Variants in PAPSS2 observed in about 807,000 individuals in gnomAD.
PAPSS2 encodes 3'-phosphoadenosine 5'-phosphosulfate synthase 2, also known as bifunctional 3'-phosphoadenosine 5'-phosphosulfate synthase 2.
PAPSS2 carries 61 observed loss-of-function variants against 66.5 expected under a neutral mutation model. The observed-to-expected ratio is 0.92, with a 90% CI of 0.75 to 1.14. The LOEUF (loss-of-function observed/expected upper bound fraction) is 1.14, where lower values mean the gene tolerates loss of function less well. PAPSS2 is among the 50% of genes most tolerant of loss of function. The pLI is 0.00. For missense variants in PAPSS2, 708 were observed against 789.6 expected, an observed-to-expected ratio of 0.90 and a Z score of 1.24; for synonymous variants, 289 against 287.5, an observed-to-expected ratio of 1.01 and a Z score of -0.05.
rs1044981983 is a variant in PAPSS2, at chr10:87,659,905, T to TGCTGCTGCC, written c.-75_-74insTGCTGCCGC. ...CCGCTGCTGCTGCTGCTGCTGCTGC[T>TGCTGCTGCC]GCCGCCGCCGCCGCCGCCGTCCCTG... On this transcript the variant is annotated 5_prime_UTR_variant, in exon 1 of 13. Transcript: ENST00000456849. 1.4e-5 allele frequency: 20 copies of TGCTGCTGCC among 1,423,862 alleles called. No homozygotes were observed. In the African/African-American group the frequency reaches 2.0e-4, roughly 14 times the overall value. The allele number at this position is 1,423,862 out of a possible 1,614,324, so 88.2% of individuals were successfully genotyped here.
intron 11 of PAPSS2, 35 bp from the exon 12 acceptor site, chr10:87,744,967 C>T: frequency 6.3e-7 from 1 of 1,578,902 alleles, no homozygotes; most frequent in Non-Finnish European, 8.7e-7. Flanking sequence ...ATTTGACCCA[C>T]AATGACCAGC....
chr10:87,676,669 G>T (rs1852951743), intron 1 of PAPSS2, among the ~76,000 whole-genome samples: 1 of 151,834 alleles, frequency 6.6e-6, no homozygotes, highest in South Asian at 2.1e-4. Context: ...GCGTTATATA[G>T]CACTTATCTT....
chr10:87,660,110 G>GT, intron 1 of PAPSS2, 102 bp downstream of exon 1: 3 of 1,245,636 alleles, frequency 2.4e-6, no homozygotes, highest in Non-Finnish European at 3.5e-6. Flanking sequence ...CCCCGGGAGG[G>GT]GGCGTCGGGA....
At chr10:87,698,778 G>A (rs974367759) in intron 1 of PAPSS2, among the ~76,000 whole-genome samples, 1 of 152,162 alleles carries the variant, frequency 6.6e-6, no homozygotes, top group African/African-American at 2.4e-5. Flanking sequence ...CATAGCTACT[G>A]GGGAAGCTGA....
At chr10:87,663,032 CATGCCCTGCTA>C in intron 1 of PAPSS2, among the ~76,000 whole-genome samples, 1 of 150,118 alleles carries the variant, frequency 6.7e-6, no homozygotes, top group Non-Finnish European at 1.5e-5. Context: ...GCACCACCAT[CATGCCCTGCTA>C]ATTACCTTTT....
intron 11 of PAPSS2, 84 bp downstream of exon 11, chr10:87,743,725 C>A: frequency 1.3e-6 from 2 of 1,489,866 alleles, no homozygotes; most frequent in Admixed American, 1.7e-5. Context: ...TCTCTGGGAT[C>A]CTTTCTGTTT....
chr10:87,660,128 T>C, intron 1 of PAPSS2, 120 bp downstream of exon 1: 1 of 998,904 alleles, frequency 1.0e-6, no homozygotes, highest in Non-Finnish European at 1.5e-6. Flanking sequence ...GGAGGAGGAG[T>C]AAGAGTGGGG....
rs1174194161 is a variant in PAPSS2 at position 87,745,251 on chromosome 10, TTC to T, written c.1721+22_1721+23del. On this transcript the variant is annotated intron_variant, in intron 12 of 12. Transcript: ENST00000456849. ...AGCAAGGTAGGTTTTCAGAGGAAAA[TTC>T]TTTTATCAACATCTGTATAAAAGAA... is the stretch of plus-strand genomic sequence containing the variant. 6.4e-7 allele frequency: 1 copy of T among 1,571,862 alleles called. No homozygotes were observed. Among genetic ancestry groups the T allele is most frequent in the Admixed American group, 1.8e-5 (1 of 54,628 alleles).
intron 1 of PAPSS2, 103 bp downstream of exon 1, chr10:87,660,111 G>A: frequency 8.3e-7 from 1 of 1,198,968 alleles, no homozygotes; most frequent in Non-Finnish European, 1.2e-6. Context: ...CCCGGGAGGG[G>A]GCGTCGGGAG....
At chr10:87,719,524 A>G (rs761354690) in intron 7 of PAPSS2, among the ~76,000 whole-genome samples, 2 of 152,210 alleles carry the variant, frequency 1.3e-5, no homozygotes, top group Non-Finnish European at 2.9e-5. Context: ...TCAGAGCCTA[A>G]GGCGGGAGGA....
chr10:87,743,738 T>C lies in PAPSS2; in HGVS notation c.1491+97T>C, dbSNP rs1281664517. ...AGTCTCTGGGATCCTTTCTGTTTCC[T>C]CATGAGCAGATTCTGGAATGTTCTG... is the stretch of plus-strand genomic sequence containing the variant. On this transcript the variant is annotated intron_variant, in intron 11 of 12. Coordinates refer to ENST00000456849, the MANE Select transcript of PAPSS2 (RefSeq NM_001015880.2). 2.9e-6 allele frequency: 4 copies of C among 1,360,404 alleles called. No homozygotes were observed. In the African/African-American group the frequency reaches 5.7e-5, roughly 19 times the overall value. 84.3% of individuals were successfully genotyped at this position (1,360,404 alleles called of 1,614,324 possible).
chr10:87,663,539 C>G (rs547564011), intron 1 of PAPSS2, among the ~76,000 whole-genome samples: 4 of 152,278 alleles, frequency 2.6e-5, no homozygotes, highest in African/African-American at 9.6e-5. Context: ...CATCTCATCC[C>G]CACAGTAGCT....
At chr10:87,670,982 G>A (rs1256738342) in intron 1 of PAPSS2, among the ~76,000 whole-genome samples, 1 of 152,136 alleles carries the variant, frequency 6.6e-6, no homozygotes, top group Non-Finnish European at 1.5e-5. Flanking sequence ...TCCCCAAATA[G>A]AAGAAGGGAA....
intron 1 of PAPSS2, among the ~76,000 whole-genome samples, chr10:87,702,958 C>T (rs979336983): frequency 6.6e-6 from 1 of 152,158 alleles, no homozygotes; most frequent in African/African-American, 2.4e-5. Flanking sequence ...GGCTCCCTGT[C>T]ACGACCCTCG....
chr10:87,681,924 A>AT (rs1249006692), intron 1 of PAPSS2, among the ~76,000 whole-genome samples: 1 of 152,116 alleles, frequency 6.6e-6, no homozygotes, highest in African/African-American at 2.4e-5. Context: ...GGTATACCAC[A>AT]TTTTTTATCC....
rs373318487 is a variant in PAPSS2, at chr10:87,701,430, C to CTCTCTCTCTCTT, written c.28-7763_28-7762insCTCTCTCTTTCT. On this transcript the variant is annotated intron_variant, in intron 1 of 12. Transcript: ENST00000456849. ...TCTCTCTCTCTCTCTCTCTCTCTCT[C>CTCTCTCTCTCTT]TCTTTCTTTCAGACAAGGTCTCACT... Among the ~76,000 whole-genome samples the CTCTCTCTCTCTT allele has an allele frequency of 6.3e-3, 456 of 72,696 alleles. 35 individuals carry two copies. Among genetic ancestry groups the CTCTCTCTCTCTT allele is most frequent in the East Asian group, 0.017 (29 of 1,750 alleles). 47.7% of individuals were successfully genotyped at this position (72,696 alleles called of 152,430 possible). A position where few individuals can be genotyped will look rare whatever the true frequency, so the allele number is the denominator to read the frequency against.
At position 87,720,475 on chromosome 10, in the gene PAPSS2, T is replaced by A. The variant is rs1321767632; in HGVS notation, c.866-1281T>A. 2.0e-5 allele frequency among the ~76,000 whole-genome samples: 3 copies of A among 152,216 alleles called. No individual in the cohort carries two copies. The East Asian group carries it at 5.8e-4, about 29-fold the overall frequency. ...AATGTTGGGCAAGATATCATTTATA[T>A]AGATATCATTTAATTGTAACCAATT... On this transcript the variant is annotated intron_variant, in intron 7 of 12. Coordinates refer to ENST00000456849, the MANE Select transcript of PAPSS2 (RefSeq NM_001015880.2).
Position 87,714,993 on chromosome 10 carries a change from A to G in PAPSS2, c.648A>G (p.Val216=), listed in dbSNP as rs200766076. The change falls in exon 6 of 13, where the codon GTA becomes GTG. Residue 216 remains valine (V), a synonymous_variant. Transcript: ENST00000456849. ...ATGCTGTTTCATTTCAGAACATTGT[A>G]CCCTATACTATAATCAAAGATATCC... ...VVELLQEQNI[V]PYTIIKDIHE... 29 of 1,602,504 alleles carry G rather than the reference A, an allele frequency of 1.8e-5. No individual in the cohort carries two copies. The African/African-American group carries it at 3.5e-4, about 19-fold the overall frequency.
chr10:87,724,871 C>CACAT lies in PAPSS2; in HGVS notation c.881-2412_881-2411insCATA, dbSNP rs1484606533. 6.6e-5 allele frequency among the ~76,000 whole-genome samples: 10 copies of CACAT among 151,322 alleles called. 1 individual carries two copies. The highest frequency in any genetic ancestry group is 2.4e-4 in the African/African-American group (10 of 41,230). On this transcript the variant is annotated intron_variant, in intron 8 of 12. Coordinates refer to ENST00000456849, the MANE Select transcript of PAPSS2 (RefSeq NM_001015880.2). ...GTCTATACACACACACACACACACA[C>CACAT]ATACACACATAGAAAGAGAGAGATT...
Sources: allele counts gnomAD v4.1 joint callset (sites outside exome capture counted in the v4.1 genomes callset), GRCh38; gene constraint gnomAD v4.1.1; transcripts MANE v1.5; gene names NCBI Gene and HGNC (gene_info 2026-07-23, HGNC 2026-07-21).